ALS2: variants seen among roughly 807,000 people sequenced by gnomAD.
ALS2 encodes the protein alsin.
A neutral mutation model predicts 203.4 loss-of-function variants in ALS2; 117 were observed. That is an observed-to-expected ratio of 0.58 (90% confidence interval 0.50 to 0.67). ALS2 has a LOEUF of 0.67. ALS2 is among the 30% of genes least tolerant of loss of function. ALS2 has a pLI of 0.00. For missense variants in ALS2, 1,715 were observed against 1,989.4 expected (o/e 0.86, Z 2.62); for synonymous variants, 718 against 725.9 (o/e 0.99, Z 0.17).
At chr2:201,776,907 T>C (rs2106118733) in intron 1 of ALS2, among the ~76,000 whole-genome samples, 2 of 152,362 alleles carry the variant, frequency 1.3e-5, no homozygotes, top group South Asian at 4.1e-4. Flanking sequence ...AGGGATCAGC[T>C]ACTAAACGTA....
Position 201,701,705 on chromosome 2 carries a change from T to C in ALS2, c.*146A>G, listed in dbSNP as rs774208479. 4.8e-4 allele frequency: 364 copies of C among 758,470 alleles called. 1 individual carries two copies. The highest frequency in any genetic ancestry group is 7.7e-4 in the Non-Finnish European group (339 of 442,154). 47.0% of individuals were successfully genotyped at this position (758,470 alleles called of 1,614,324 possible). A position where few individuals can be genotyped will look rare whatever the true frequency, so the allele number is the denominator to read the frequency against. On this transcript the variant is annotated 3_prime_UTR_variant, in exon 34 of 34. Transcript: ENST00000264276. ...CTTTTTTCTGGGCTCAGGGCTCTTA[T>C]TATTGGTAAGGCTCATTCTAACAAC...
Position 201,723,186 on chromosome 2 carries a change from G to A in ALS2, c.3625-66C>T. On this transcript the variant is annotated intron_variant, in intron 22 of 33. Coordinates refer to ENST00000264276, the MANE Select transcript of ALS2 (RefSeq NM_020919.4). ...ACAGAGTAACTTAAGAGTGCACGCA[G>A]TCATATCCCCAAAGCCTTATGGAAT... 6 of 1,420,894 alleles carry A rather than the reference G, an allele frequency of 4.2e-6. No homozygotes were observed. The South Asian group carries it at 4.6e-5, about 11-fold the overall frequency. The allele number at this position is 1,420,894 out of a possible 1,614,324, so 88.0% of individuals were successfully genotyped here.
intron 24 of ALS2, chr2:201,716,524 C>T (rs1351079906): frequency 8.4e-6 from 1 of 119,608 alleles, no homozygotes; most frequent in African/African-American, 3.3e-5. Flanking sequence ...AGCCTAGCGA[C>T]AGAGTGACGC....
Position 201,701,690 on chromosome 2 carries a change from G to T in ALS2, c.*161C>A. The stretch of plus-strand genomic sequence containing the variant: ...TTAAACTATACAGTCCTTTTTTCTG[G>T]GCTCAGGGCTCTTATTATTGGTAAG... On this transcript the variant is annotated 3_prime_UTR_variant, in exon 34 of 34. Transcript: ENST00000264276. The T allele has an allele frequency of 1.5e-6, 1 of 679,676 alleles. No homozygotes were observed. Among genetic ancestry groups the T allele is most frequent in the Non-Finnish European group, 2.6e-6 (1 of 388,130 alleles). The allele number at this position is 679,676 out of a possible 1,614,324, so 42.1% of individuals were successfully genotyped here.
chr2:201,778,994 A>T (rs1292211176), intron 1 of ALS2, among the ~76,000 whole-genome samples: 1 of 152,168 alleles, frequency 6.6e-6, no homozygotes, highest in Non-Finnish European at 1.5e-5. Flanking sequence ...TGAGATTATC[A>T]TTAGAATGGA....
At position 201,774,292 on chromosome 2, in the gene ALS2, G is replaced by C. The variant is rs1016688431; in HGVS notation, c.-60-5347C>G. Among the ~76,000 whole-genome samples the C allele has an allele frequency of 3.3e-5, 5 of 152,304 alleles. No homozygotes were observed. The East Asian group carries it at 9.6e-4, about 29-fold the overall frequency. ...AGGATGCCATCCAGAATATATGTGG[G>C]GGGATTGTTTTTTTCATAAGAAGAA... On this transcript the variant is annotated intron_variant, in intron 1 of 33. Transcript: ENST00000264276.
At position 201,747,973 on chromosome 2, in the gene ALS2, T is replaced by G. The variant is rs141526335; in HGVS notation, c.1816-1225A>C. On this transcript the variant is annotated intron_variant, in intron 8 of 33. Coordinates refer to ENST00000264276, the MANE Select transcript of ALS2 (RefSeq NM_020919.4). The stretch of plus-strand genomic sequence containing the variant: ...GTATGGGATTCCTCATAAGATTTCA[T>G]TTGGAGAAAGTGTGTTACTGCAAAA... Among the ~76,000 whole-genome samples, 160 of 152,284 alleles carry G rather than the reference T, an allele frequency of 1.1e-3. 2 individuals carry two copies. Among genetic ancestry groups the G allele is most frequent in the African/African-American group, 3.8e-3 (158 of 41,556 alleles).
At chr2:201,760,859 T>G (rs753379736) in intron 4 of ALS2, 22 bp downstream of exon 4, 1 of 1,604,444 alleles carries the variant, frequency 6.2e-7, no homozygotes, top group Admixed American at 1.7e-5. Flanking sequence ...CACACTTTTA[T>G]TTTATAAAAT....
In ALS2 at chr2:201,715,671, C is replaced by T. The variant is rs1690335308; in HGVS notation, c.4004+1G>A. 1 of 1,614,098 alleles carries T rather than the reference C, an allele frequency of 6.2e-7. No individual in the cohort carries two copies. Among genetic ancestry groups the T allele is most frequent in the Non-Finnish European group, 8.5e-7 (1 of 1,180,048 alleles). ...TGTATGTTGAGCAGGTGTTCACTCA[C>T]CTGTCTCTGTGCTGGCGCCGACTGG... On this transcript the variant is annotated splice_donor_variant, in intron 25 of 33. Coordinates refer to ENST00000264276, the MANE Select transcript of ALS2 (RefSeq NM_020919.4). LOFTEE classifies it high-confidence loss of function.
intron 23 of ALS2, chr2:201,722,036 T>G (rs867836471): frequency 6.6e-6 from 1 of 152,184 alleles, no homozygotes; most frequent in African/African-American, 2.4e-5. Flanking sequence ...AACTTTTCTA[T>G]TTCAAAAGAC....
chr2:201,761,920 G>T, intron 3 of ALS2, 102 bp from the exon 4 acceptor site: 1 of 1,293,008 alleles, frequency 7.7e-7, no homozygotes, highest in Non-Finnish European at 1.1e-6. Flanking sequence ...AACCAAATTG[G>T]ATTTTCTTTT....
rs1375377839 is a variant in ALS2, at chr2:201,723,445, C to T, written c.3513-4G>A. On this transcript the variant is annotated splice_polypyrimidine_tract_variant and splice_region_variant and intron_variant, in intron 21 of 33. Coordinates refer to ENST00000264276, the MANE Select transcript of ALS2 (RefSeq NM_020919.4). ...CATTCCCATATACTTTTCCCCCCTG[C>T]ACAGAAATAAAAAGAAAAGAAAAAG... 6.2e-7 allele frequency: 1 copy of T among 1,607,514 alleles called. No homozygotes were observed. Among genetic ancestry groups the T allele is most frequent in the Non-Finnish European group, 8.5e-7 (1 of 1,174,074 alleles).
chr2:201,723,135 A>T lies in ALS2; in HGVS notation c.3625-15T>A. The T allele has an allele frequency of 6.3e-7, 1 of 1,598,376 alleles. No homozygotes were observed. The highest frequency in any genetic ancestry group is 8.6e-7 in the Non-Finnish European group (1 of 1,169,294). ...ACCCCATTTCCCTACAAGAAGAAAC[A>T]AGAGAAAAATTACAACACATAAAAT... On this transcript the variant is annotated splice_polypyrimidine_tract_variant and intron_variant, in intron 22 of 33. Coordinates refer to ENST00000264276, the MANE Select transcript of ALS2 (RefSeq NM_020919.4).
rs112292399 is a variant in ALS2 at position 201,732,288 on chromosome 2, T to C, written c.2580+988A>G. ...ACCTACAAGGGGCCAGCGTGGTGGC[T>C]CATGCCTGTAATCCTAGCACTTTCG... On this transcript the variant is annotated intron_variant, in intron 13 of 33. Transcript: ENST00000264276. Among the ~76,000 whole-genome samples, 300 of 151,816 alleles carry C rather than the reference T, an allele frequency of 2.0e-3. 1 individual carries two copies. The highest frequency in any genetic ancestry group is 6.9e-3 in the African/African-American group (287 of 41,356).
At chr2:201,713,133 C>CTTTTCTTTTTTTTTTT (rs1279654897) in intron 25 of ALS2, among the ~76,000 whole-genome samples, 1 of 96,274 alleles carries the variant, frequency 1.0e-5, no homozygotes, top group Admixed American at 1.4e-4. Context: ...CTTTTCTTTT[C>CTTTTCTTTTTTTTTTT]TTTTTTTTTT....
chr2:201,701,992 T>C (rs1689416620), intron 33 of ALS2, 103 bp from the exon 34 acceptor site: 1 of 1,004,796 alleles, frequency 1.0e-6, no homozygotes, highest in African/African-American at 1.6e-5. Context: ...TATGAACAAA[T>C]TCAGCTGATG....
chr2:201,729,434 G>A (rs544181147), intron 13 of ALS2, among the ~76,000 whole-genome samples: 1 of 152,262 alleles, frequency 6.6e-6, no homozygotes, highest in African/African-American at 2.4e-5. Context: ...TTAGTGAATA[G>A]AGCAGCAGAG....
At chr2:201,730,122 T>A (rs1176291253) in intron 13 of ALS2, among the ~76,000 whole-genome samples, 1 of 152,172 alleles carries the variant, frequency 6.6e-6, no homozygotes, top group African/African-American at 2.4e-5. Flanking sequence ...ATGTGGATAT[T>A]CTCCTTTGAT....
intron 12 of ALS2, among the ~76,000 whole-genome samples, chr2:201,734,265 G>A (rs714320): frequency 0.087 from 13,250 of 152,042 alleles, 651 homozygotes; most frequent in East Asian, 0.24. Flanking sequence ...GCTTGAGCCC[G>A]GAAGTTTGAG....
Sources: allele counts gnomAD v4.1 joint callset (sites outside exome capture counted in the v4.1 genomes callset), GRCh38; gene constraint gnomAD v4.1.1; transcripts MANE v1.5; gene names NCBI Gene and HGNC (gene_info 2026-07-23, HGNC 2026-07-21).